The following ST7 variants were observed in gnomAD, a reference collection of about 807,000 sequenced individuals.
The protein encoded by ST7 is suppressor of tumorigenicity 7 protein.
Under a neutral mutation model 78.7 loss-of-function variants are expected in ST7, and 28 were observed. The ratio of observed to expected loss-of-function variants is 0.36; its 90% CI spans 0.26 to 0.49. The LOEUF (loss-of-function observed/expected upper bound fraction) is 0.49. Ranked by LOEUF, ST7 falls within the 20% of genes least tolerant of loss-of-function variation. ST7 has a pLI of 0.99. For synonymous variants in ST7, 247 were observed against 249.6 expected, an observed-to-expected ratio of 0.99 and a Z score of 0.10; for missense variants, 418 against 696.0, an observed-to-expected ratio of 0.60 and a Z score of 4.49.
At chr7:117,049,208 C>T (rs1305476594) in intron 1 of ST7, among the ~76,000 whole-genome samples, 3 of 152,214 alleles carry the variant, frequency 2.0e-5, no homozygotes, top group Admixed American at 6.5e-5. Flanking sequence ...TCGCCTATCT[C>T]TACCTTAAAT....
chr7:116,982,114 T>C (rs1793986112), intron 1 of ST7, among the ~76,000 whole-genome samples: 1 of 152,276 alleles, frequency 6.6e-6, no homozygotes, highest in Non-Finnish European at 1.5e-5. Context: ...CTTGCACTGT[T>C]TAACGTGGTC....
chr7:117,073,009 G>C (rs1434043076), intron 1 of ST7: 1 of 152,216 alleles, frequency 6.6e-6, no homozygotes, highest in Non-Finnish European at 1.5e-5. Flanking sequence ...GCAAGCGCTT[G>C]CAATTTTCAG....
chr7:117,189,885 G>A (rs1215596281), intron 11 of ST7, among the ~76,000 whole-genome samples: 1 of 152,118 alleles, frequency 6.6e-6, no homozygotes, highest in Non-Finnish European at 1.5e-5. Context: ...TGCCTATTTT[G>A]TTCAGGCAGG....
chr7:117,144,465 CA>C lies in ST7; in HGVS notation c.963+5950del, dbSNP rs755607145. ...CAGCATGATGAAACCCCATCTCTAC[CA>C]AAAAAAAAAAAAAAAATTAGTTGGG... On this transcript the variant is annotated intron_variant, in intron 9 of 15. Transcript: ENST00000323984. Among the ~76,000 whole-genome samples, 1,199 of 123,224 alleles carry C rather than the reference CA, an allele frequency of 9.7e-3. 2 individuals carry two copies. Among genetic ancestry groups the C allele is most frequent in the Middle Eastern group, 0.02 (5 of 244 alleles). The allele number at this position is 123,224 out of a possible 152,430, so 80.8% of individuals were successfully genotyped here.
intron 1 of ST7, among the ~76,000 whole-genome samples, chr7:116,980,786 A>G (rs1244733483): frequency 6.6e-6 from 1 of 152,234 alleles, no homozygotes; most frequent in Admixed American, 6.5e-5. Flanking sequence ...TTTCATACAA[A>G]CAAAGATGTT....
intron 9 of ST7, among the ~76,000 whole-genome samples, chr7:117,148,784 A>G (rs1265183996): frequency 1.3e-5 from 2 of 152,200 alleles, no homozygotes; most frequent in East Asian, 1.9e-4. Context: ...GGAGGCAACC[A>G]TGGACATTTG....
intron 1 of ST7, among the ~76,000 whole-genome samples, chr7:117,067,743 G>T (rs1311357406): frequency 1.3e-5 from 2 of 152,166 alleles, no homozygotes; most frequent in East Asian, 3.8e-4. Context: ...ATTTTGAGGA[G>T]CCTGACTAAA....
chr7:117,058,681 G>C (rs185613119), intron 1 of ST7, among the ~76,000 whole-genome samples: 1 of 152,236 alleles, frequency 6.6e-6, no homozygotes, highest in East Asian at 1.9e-4. Flanking sequence ...CAATAGATTG[G>C]CCATATTTCT....
At position 117,219,081 on chromosome 7, in the gene ST7, C is replaced by T; in HGVS notation, c.1406-3C>T. The T allele has an allele frequency of 1.2e-6, 2 of 1,607,860 alleles. No individual in the cohort carries two copies. Among genetic ancestry groups the T allele is most frequent in the Admixed American group, 1.7e-5 (1 of 58,726 alleles). On this transcript the variant is annotated splice_polypyrimidine_tract_variant and splice_region_variant and intron_variant, in intron 13 of 15. Coordinates refer to ENST00000323984, the MANE Select transcript of ST7 (RefSeq NM_001369598.1). This position sits in a 1 kb window ranked among gnomAD's most constrained non-coding sequence, Gnocchi z 5.1. ...TCTCTGACATATTTTTTCTCGTTTT[C>T]AGCTTTTCGGATGATCCCTTATCCC...
At chr7:116,983,813 T>C (rs1017389086) in intron 1 of ST7, among the ~76,000 whole-genome samples, 2 of 152,134 alleles carry the variant, frequency 1.3e-5, no homozygotes, top group Non-Finnish European at 2.9e-5. Flanking sequence ...ACCTTTATGA[T>C]TGATTCTCCT....
intron 1 of ST7, among the ~76,000 whole-genome samples, chr7:117,013,009 CTG>C (rs1438544115): frequency 2.0e-5 from 3 of 152,054 alleles, no homozygotes; most frequent in Non-Finnish European, 4.4e-5. Flanking sequence ...CTTAAAATAT[CTG>C]TCTCTTAAGA....
chr7:117,069,621 CCTTGA>C (rs1798822449), intron 1 of ST7, among the ~76,000 whole-genome samples: 2 of 152,162 alleles, frequency 1.3e-5, no homozygotes, highest in African/African-American at 4.8e-5. Flanking sequence ...TGGAAGATCC[CCTTGA>C]CTTGTTACTT....
chr7:117,124,808 G>A (rs981247010), intron 3 of ST7, among the ~76,000 whole-genome samples: 19 of 152,136 alleles, frequency 1.2e-4, no homozygotes, highest in African/African-American at 4.6e-4. Context: ...ATGTGGAAAT[G>A]TCAGGTCAGA....
intron 2 of ST7, 69 bp downstream of exon 2, chr7:117,099,913 TA>T (rs1183170052): frequency 1.6e-6 from 2 of 1,267,228 alleles, no homozygotes; most frequent in African/African-American, 1.5e-5. Context: ...GTATGTACAG[TA>T]AAAAACTCTG....
intron 1 of ST7, among the ~76,000 whole-genome samples, chr7:117,043,267 G>A (rs1181747099): frequency 6.6e-6 from 1 of 152,200 alleles, no homozygotes; most frequent in African/African-American, 2.4e-5. Flanking sequence ...AAGCCTCCCA[G>A]TGGAGGAATA....
At chr7:117,014,505 A>G (rs1187284020) in intron 1 of ST7, among the ~76,000 whole-genome samples, 3 of 152,236 alleles carry the variant, frequency 2.0e-5, no homozygotes, top group Non-Finnish European at 1.5e-5. Flanking sequence ...AATGTATTTC[A>G]AATGGACAAA....
intron 15 of ST7, among the ~76,000 whole-genome samples, chr7:117,228,976 G>A (rs1287488354): frequency 6.6e-6 from 1 of 152,160 alleles, no homozygotes; most frequent in Non-Finnish European, 1.5e-5. Context: ...ATGCTGGATG[G>A]GGTGTGGAAT....
chr7:117,128,995 T>C (rs980081659), intron 3 of ST7, among the ~76,000 whole-genome samples: 1 of 151,912 alleles, frequency 6.6e-6, no homozygotes, highest in African/African-American at 2.4e-5. Flanking sequence ...GTCTTAATCA[T>C]AGACTGTTTT....
At chr7:117,027,452 TAAAGTAAAGTA>T (rs1189051521) in intron 1 of ST7, among the ~76,000 whole-genome samples, 1 of 121,924 alleles carries the variant, frequency 8.2e-6, no homozygotes, top group Non-Finnish European at 1.6e-5. Flanking sequence ...AAGTGAAAAG[TAAAGTAAAGTA>T]AAAGTAAAGT....
Sources: allele counts gnomAD v4.1 joint callset (sites outside exome capture counted in the v4.1 genomes callset), GRCh38; gene constraint gnomAD v4.1.1; non-coding constraint Gnocchi (gnomAD v3.1); transcripts MANE v1.5; gene names NCBI Gene and HGNC (gene_info 2026-07-23, HGNC 2026-07-21).